RNF2: variants seen among roughly 807,000 people sequenced by gnomAD.
RNF2 encodes the protein E3 ubiquitin-protein ligase RING2.
A neutral mutation model predicts 37.2 loss-of-function variants in RNF2; 6 were observed. The observed-to-expected ratio is 0.16, with a 90% CI of 0.09 to 0.32. RNF2 has a LOEUF of 0.32. Among genes scored for constraint, RNF2 ranks in the 10% least tolerant of loss-of-function variants. RNF2 has a pLI of 1.00. For synonymous variants in RNF2, 133 were observed against 132.7 expected (o/e 1.00, Z -0.02); for missense variants, 251 against 404.0 (o/e 0.62, Z 3.25).
chr1:185,098,498 C>G lies in RNF2; in HGVS notation c.737+154C>G, dbSNP rs2102209027. Among the ~76,000 whole-genome samples the G allele has an allele frequency of 2.0e-5, 3 of 152,284 alleles. No homozygotes were observed. The Middle Eastern group carries it at 0.01, about 518-fold the overall frequency. On this transcript the variant is annotated intron_variant, in intron 5 of 6. Transcript: ENST00000367510. The stretch of plus-strand genomic sequence containing the variant: ...TGCCTAGATTGTTGTTTTCTTCCTT[C>G]CTCCCTCATGTGCTTTCCACCCAAA...
intron 1 of RNF2, among the ~76,000 whole-genome samples, chr1:185,073,534 G>A (rs1303824017): frequency 6.6e-6 from 1 of 152,112 alleles, no homozygotes; most frequent in Non-Finnish European, 1.5e-5. Context: ...TTCAGATACT[G>A]TCTTTTGATC....
At chr1:185,097,509 A>G (rs1651945182) in intron 4 of RNF2, among the ~76,000 whole-genome samples, 1 of 152,168 alleles carries the variant, frequency 6.6e-6, no homozygotes, top group Non-Finnish European at 1.5e-5. Context: ...AGATTTGTCA[A>G]TTAATTCTTA....
intron 1 of RNF2, among the ~76,000 whole-genome samples, chr1:185,069,104 C>A (rs986734146): frequency 3.3e-5 from 5 of 152,274 alleles, no homozygotes; most frequent in Admixed American, 1.3e-4. Context: ...AGTGTAAGCT[C>A]TTTTGCCTGT....
rs575385920 is a variant in RNF2, at chr1:185,088,512, C to T, written c.87+872C>T. On this transcript the variant is annotated intron_variant, in intron 2 of 6. Coordinates refer to ENST00000367510, the MANE Select transcript of RNF2 (RefSeq NM_007212.4). ...CGGTGGTTGCAGTGAGCCGAGATTG[C>T]GCCATTGCACTCCAGCCTGGGCGAC... Among the ~76,000 whole-genome samples, 327 of 151,018 alleles carry T rather than the reference C, an allele frequency of 2.2e-3. 1 individual carries two copies. Among genetic ancestry groups the T allele is most frequent in the African/African-American group, 7.5e-3 (309 of 41,126 alleles).
chr1:185,076,286 T>G lies in RNF2; in HGVS notation c.-2-11266T>G, dbSNP rs1324686357. 3.5e-3 allele frequency among the ~76,000 whole-genome samples: 219 copies of G among 62,828 alleles called. 16 individuals carry two copies. The East Asian group carries it at 0.059, about 17-fold the overall frequency. 41.2% of individuals were successfully genotyped at this position (62,828 alleles called of 152,430 possible). A position where few individuals can be genotyped will look rare whatever the true frequency, so the allele number is the denominator to read the frequency against. On this transcript the variant is annotated intron_variant, in intron 1 of 6. Coordinates refer to ENST00000367510, the MANE Select transcript of RNF2 (RefSeq NM_007212.4). ...ATGGGTTGTTTTTTTTTTTTTTTTT[T>G]TTTTTTTTTTTTTTTTTTTTTTGAG...
intron 1 of RNF2, among the ~76,000 whole-genome samples, chr1:185,074,383 T>C (rs990478431): frequency 6.6e-6 from 1 of 152,082 alleles, no homozygotes; most frequent in Non-Finnish European, 1.5e-5. Flanking sequence ...TGGGACTGAA[T>C]GTTCTGACCC....
chr1:185,062,650 GT>G (rs34784535), intron 1 of RNF2, among the ~76,000 whole-genome samples: 1,920 of 152,048 alleles, frequency 0.013, 27 homozygotes, highest in Non-Finnish European at 0.022. Context: ...AAAGATAAAA[GT>G]TATGTACTGA....
intron 1 of RNF2, among the ~76,000 whole-genome samples, chr1:185,054,522 T>C (rs1052039248): frequency 6.6e-6 from 1 of 152,006 alleles, no homozygotes; most frequent in Non-Finnish European, 1.5e-5. Flanking sequence ...ACGCCGGCTC[T>C]TCTCCATTAC....
rs1217160239 is a variant in RNF2, at chr1:185,099,911, C to T, written c.858C>T (p.Ala286=). 1 of 1,613,944 alleles carries T rather than the reference C, an allele frequency of 6.2e-7. No individual in the cohort carries two copies. Among genetic ancestry groups the T allele is most frequent in the South Asian group, 1.1e-5 (1 of 91,062 alleles). ...CAAACCAGATGAACCTTGATACAGCCAGTGAGAAGCAGTATACCATTTATA... is the reference window on the plus strand; with the variant it reads ...CAAACCAGATGAACCTTGATACAGCTAGTGAGAAGCAGTATACCATTTATA... ...GESNQMNLDT[A]SEKQYTIYIA... Residue 286 remains alanine, a synonymous_variant, in exon 6 of 7, where the codon GCC becomes GCT. Transcript: ENST00000367510.
At chr1:185,082,789 A>C (rs766706777) in intron 1 of RNF2, among the ~76,000 whole-genome samples, 1 of 152,182 alleles carries the variant, frequency 6.6e-6, no homozygotes, top group African/African-American at 2.4e-5. Flanking sequence ...AAATCACTCA[A>C]ATTTGTTTTT....
intron 1 of RNF2, among the ~76,000 whole-genome samples, chr1:185,064,293 C>T (rs1177825784): frequency 6.6e-6 from 1 of 152,152 alleles, no homozygotes; most frequent in Non-Finnish European, 1.5e-5. Context: ...GATAGCTAGT[C>T]TTATTGCACC....
intron 1 of RNF2, among the ~76,000 whole-genome samples, chr1:185,047,543 G>C (rs1417983622): frequency 6.6e-6 from 1 of 152,180 alleles, no homozygotes; most frequent in African/African-American, 2.4e-5. Context: ...TTGGAGTAAA[G>C]GTGATATATA....
intron 1 of RNF2, 123 bp downstream of exon 1, chr1:185,045,772 G>A (rs2102144452): frequency 6.6e-6 from 1 of 152,338 alleles, no homozygotes; most frequent in African/African-American, 2.4e-5. Context: ...GTGTCCGCGG[G>A]GGTGTGAAGG....
rs573997434 is a variant in RNF2 at position 185,086,912 on chromosome 1, G to A, written c.-2-640G>A. ...TTTCATAAAAATATTTATTGTTTTG[G>A]GTTAAGACAATCTTGTATACATTCA... On this transcript the variant is annotated intron_variant, in intron 1 of 6. Coordinates refer to ENST00000367510, the MANE Select transcript of RNF2 (RefSeq NM_007212.4). Among the ~76,000 whole-genome samples the A allele has an allele frequency of 1.7e-3, 261 of 152,142 alleles. 2 individuals are homozygous for A. Among genetic ancestry groups the A allele is most frequent in the African/African-American group, 6.0e-3 (250 of 41,502 alleles).
At chr1:185,078,243 T>A (rs867025232) in intron 1 of RNF2, among the ~76,000 whole-genome samples, 7 of 152,302 alleles carry the variant, frequency 4.6e-5, no homozygotes, top group South Asian at 2.1e-4. Flanking sequence ...TGAGACTCCA[T>A]CATAAATCAG....
At chr1:185,059,119 A>G (rs1321271977) in intron 1 of RNF2, among the ~76,000 whole-genome samples, 1 of 152,112 alleles carries the variant, frequency 6.6e-6, no homozygotes, top group East Asian at 1.9e-4. Context: ...AGTTGCAGAA[A>G]TCTGGCGACA....
At chr1:185,077,012 T>C (rs1651187453) in intron 1 of RNF2, among the ~76,000 whole-genome samples, 1 of 152,214 alleles carries the variant, frequency 6.6e-6, no homozygotes, top group African/African-American at 2.4e-5. Flanking sequence ...TGTAGAGTTT[T>C]GTCTTTTCAA....
intron 1 of RNF2, among the ~76,000 whole-genome samples, chr1:185,070,006 A>G (rs1650920238): frequency 6.6e-6 from 1 of 152,234 alleles, no homozygotes; most frequent in Non-Finnish European, 1.5e-5. Context: ...TTTCTTCTCT[A>G]AAATAACTTA....
rs114357643 is a variant in RNF2, at chr1:185,079,511, T to C, written c.-2-8041T>C. The stretch of plus-strand genomic sequence containing the variant: ...AGCATCTTTGAAACAACCAGTCTGC[T>C]TTTTGTTCTGTTTCTGCTTTCTTCA... On this transcript the variant is annotated intron_variant, in intron 1 of 6. Transcript: ENST00000367510. 3.9e-5 allele frequency among the ~76,000 whole-genome samples: 6 copies of C among 152,254 alleles called. No homozygotes were observed. In the East Asian group the frequency reaches 1.2e-3, roughly 29 times the overall value.
Sources: gnomAD v4.1 joint callset for allele counts (sites outside exome capture counted in the v4.1 genomes callset) on GRCh38, gnomAD v4.1.1 for gene constraint, MANE v1.5 for transcripts, NCBI Gene and HGNC (gene_info 2026-07-23, HGNC 2026-07-21) for gene names.